GRIK2: variants seen among roughly 807,000 people sequenced by gnomAD.
The protein encoded by GRIK2 is glutamate ionotropic receptor kainate type subunit 2, also known as glutamate receptor ionotropic, kainate 2.
In GRIK2, 32 loss-of-function variants were observed where a neutral mutation model predicts 100.3. The observed-to-expected ratio is 0.32, with a 90% CI of 0.24 to 0.43. The LOEUF (loss-of-function observed/expected upper bound fraction) is 0.43. Ranked by LOEUF, GRIK2 falls within the 20% of genes least tolerant of loss-of-function variation. The pLI is 1.00. For missense variants in GRIK2, 843 were observed against 1,114.9 expected (o/e 0.76, Z 3.47); for synonymous variants, 417 against 389.4 (o/e 1.07, Z -0.83).
chr6:101,603,486 T>A (rs1027061527), intron 2 of GRIK2, among the ~76,000 whole-genome samples: 96 of 151,740 alleles, frequency 6.3e-4, no homozygotes, highest in African/African-American at 2.2e-3. Context: ...TACCTAATTT[T>A]AAGAATGGAG....
At chr6:101,885,639 C>T (rs1435716711) in intron 11 of GRIK2, among the ~76,000 whole-genome samples, 1 of 152,072 alleles carries the variant, frequency 6.6e-6, no homozygotes, top group African/African-American at 2.4e-5. Context: ...ATTTTTCTTT[C>T]CCCTTCCACC....
At chr6:101,450,148 T>C (rs937676442) in intron 2 of GRIK2, among the ~76,000 whole-genome samples, 1 of 151,742 alleles carries the variant, frequency 6.6e-6, no homozygotes, top group African/African-American at 2.4e-5. Flanking sequence ...CTTAGACTTC[T>C]ATCATAGATA....
At chr6:101,858,176 C>T (rs1308179712) in intron 10 of GRIK2, among the ~76,000 whole-genome samples, 4 of 151,916 alleles carry the variant, frequency 2.6e-5, no homozygotes, top group Non-Finnish European at 5.9e-5. Context: ...GTTTTTATAC[C>T]ACTTAGGAGG....
At chr6:101,478,492 T>G (rs1257177572) in intron 2 of GRIK2, among the ~76,000 whole-genome samples, 1 of 150,356 alleles carries the variant, frequency 6.7e-6, no homozygotes, top group Non-Finnish European at 1.5e-5. Context: ...ACTTGTTCTT[T>G]TACTTCTGTT....
At chr6:101,421,451 C>T (rs937448366) in intron 2 of GRIK2, among the ~76,000 whole-genome samples, 1 of 152,160 alleles carries the variant, frequency 6.6e-6, no homozygotes, top group Non-Finnish European at 1.5e-5. Context: ...TTGTCTGCGT[C>T]TCCCCAAGCC....
intron 14 of GRIK2, among the ~76,000 whole-genome samples, chr6:101,959,233 G>A (rs982901172): frequency 1.3e-5 from 2 of 151,962 alleles, no homozygotes; most frequent in Non-Finnish European, 2.9e-5. Flanking sequence ...ACATCCCTCT[G>A]GTCCTGGGCT....
Position 102,006,365 on chromosome 6 carries a change from C to CTT in GRIK2, c.2086-28973_2086-28972dup, listed in dbSNP as rs1445755725. Among the ~76,000 whole-genome samples, 96 of 125,534 alleles carry CTT rather than the reference C, an allele frequency of 7.6e-4. 1 individual carries two copies. Among genetic ancestry groups the CTT allele is most frequent in the African/African-American group, 3.0e-3 (88 of 28,872 alleles). 82.4% of individuals were successfully genotyped at this position (125,534 alleles called of 152,430 possible). ...TTTGATTTGAGAAAAGATGATAAAC[C>CTT]TTTTATATATATATATATATATATA... On this transcript the variant is annotated intron_variant, in intron 14 of 16. Coordinates refer to ENST00000369134, the MANE Select transcript of GRIK2 (RefSeq NM_021956.5).
At position 101,789,822 on chromosome 6, in the gene GRIK2, T is replaced by G. The variant is rs1338534694; in HGVS notation, c.952-9826T>G. On this transcript the variant is annotated intron_variant, in intron 7 of 16. Coordinates refer to ENST00000369134, the MANE Select transcript of GRIK2 (RefSeq NM_021956.5). ...ATTATGGCCATTTTCATGATATTGA[T>G]TCTTCCTACCCATGAGCATGGAATG... is the stretch of plus-strand genomic sequence containing the variant. Among the ~76,000 whole-genome samples, 5 of 152,350 alleles carry G rather than the reference T, an allele frequency of 3.3e-5. No individual in the cohort carries two copies. In the South Asian group the frequency reaches 6.2e-4, roughly 19 times the overall value.
chr6:101,556,340 T>TTTTTTTTTTTTTTTTTTTTTTG (rs1776746757), intron 2 of GRIK2, among the ~76,000 whole-genome samples: 1 of 95,532 alleles, frequency 1.0e-5, no homozygotes, highest in Admixed American at 1.1e-4. Flanking sequence ...TTTTTTTTTT[T>TTTTTTTTTTTTTTTTTTTTTTG]TTTTTTTTTT....
chr6:101,920,060 T>A (rs966968926), intron 12 of GRIK2, among the ~76,000 whole-genome samples: 6 of 151,912 alleles, frequency 3.9e-5, no homozygotes, highest in Admixed American at 6.6e-5. Context: ...TATTGGGATG[T>A]ATTCAATTAC....
chr6:101,419,377 G>A (rs1776306091), intron 2 of GRIK2, among the ~76,000 whole-genome samples: 1 of 152,178 alleles, frequency 6.6e-6, no homozygotes, highest in Non-Finnish European at 1.5e-5. Context: ...CTAGGGAGGG[G>A]TGGAGGTATT....
At chr6:101,511,490 A>T (rs895994709) in intron 2 of GRIK2, among the ~76,000 whole-genome samples, 4 of 152,100 alleles carry the variant, frequency 2.6e-5, no homozygotes. Flanking sequence ...TTTAAAATGT[A>T]TGTATACATC....
intron 9 of GRIK2, among the ~76,000 whole-genome samples, chr6:101,808,708 C>G (rs887492805): frequency 1.3e-5 from 2 of 151,778 alleles, no homozygotes; most frequent in African/African-American, 4.8e-5. Context: ...CAGATAGGCT[C>G]TAATAAACCA....
intron 16 of GRIK2, among the ~76,000 whole-genome samples, chr6:102,064,461 CCT>C (rs1242427062): frequency 2.1e-5 from 3 of 139,946 alleles, no homozygotes; most frequent in South Asian, 2.2e-4. Flanking sequence ...TCTCTCTTTC[CCT>C]CTCTCTCTTT....
At chr6:101,643,238 T>C (rs1040859901) in intron 4 of GRIK2, among the ~76,000 whole-genome samples, 4 of 151,630 alleles carry the variant, frequency 2.6e-5, no homozygotes, top group Admixed American at 6.6e-5. Flanking sequence ...ATCCAGTTTA[T>C]TTTTACTTTT....
intron 2 of GRIK2, among the ~76,000 whole-genome samples, chr6:101,534,712 A>G (rs1775604926): frequency 6.6e-6 from 1 of 151,890 alleles, no homozygotes; most frequent in African/African-American, 2.4e-5. Flanking sequence ...CATATCTTTG[A>G]GCTACGAAAT....
chr6:101,620,145 T>G (rs1289737616), intron 2 of GRIK2: 2 of 356,512 alleles, frequency 5.6e-6, no homozygotes, highest in Non-Finnish European at 7.8e-6. Context: ...ATTATACAGA[T>G]AGCAATTGGC....
At chr6:101,407,102 A>G (rs1348816966) in intron 2 of GRIK2, among the ~76,000 whole-genome samples, 3 of 152,126 alleles carry the variant, frequency 2.0e-5, no homozygotes, top group Admixed American at 1.3e-4. Flanking sequence ...ATTTCAGTAT[A>G]TTCATAGCTA....
intron 7 of GRIK2, among the ~76,000 whole-genome samples, chr6:101,704,633 G>C (rs1773128533): frequency 6.6e-6 from 1 of 150,826 alleles, no homozygotes; most frequent in African/African-American, 2.4e-5. Flanking sequence ...TTATTTTGTG[G>C]GCTAGTCTTT....
Sources: allele counts gnomAD v4.1 joint callset (sites outside exome capture counted in the v4.1 genomes callset), GRCh38; gene constraint gnomAD v4.1.1; transcripts MANE v1.5; gene names NCBI Gene and HGNC (gene_info 2026-07-23, HGNC 2026-07-21).